Variants in ART3 observed in about 807,000 individuals in gnomAD.
ART3 encodes the protein ADP-ribosyltransferase 3 (inactive).
ART3 carries 49 observed loss-of-function variants against 48.5 expected under a neutral mutation model. That is an observed-to-expected ratio of 1.01 (90% CI 0.80 to 1.28). The LOEUF (loss-of-function observed/expected upper bound fraction) is 1.28, where lower values mean the gene tolerates loss of function less well. Ranked by LOEUF, ART3 falls within the 50% of genes most tolerant of loss-of-function variation. ART3 has a pLI of 0.00. For missense variants in ART3, 438 were observed against 454.3 expected (o/e 0.96, Z 0.33); for synonymous variants, 145 against 157.2 (o/e 0.92, Z 0.58).
chr4:76,111,844 T>TA (rs1161292522), intron 11 of ART3: 1 of 152,280 alleles, frequency 6.6e-6, no homozygotes, highest in Non-Finnish European at 1.5e-5. Flanking sequence ...CCAGCCAAAA[T>TA]ACAGTATATA....
intron 1 of ART3, among the ~76,000 whole-genome samples, chr4:76,063,262 T>A (rs1719405835): frequency 6.6e-6 from 1 of 152,166 alleles, no homozygotes; most frequent in African/African-American, 2.4e-5. Flanking sequence ...TAGTAGGTGC[T>A]CAGTAAACAT....
intron 1 of ART3, among the ~76,000 whole-genome samples, chr4:76,026,210 G>A (rs912761943): frequency 4.6e-5 from 7 of 151,796 alleles, no homozygotes; most frequent in African/African-American, 1.7e-4. Flanking sequence ...TAGCTGGCTT[G>A]TACCTTCTCT....
intron 3 of ART3, among the ~76,000 whole-genome samples, chr4:76,092,635 G>A (rs892894827): frequency 6.6e-6 from 1 of 151,614 alleles, no homozygotes; most frequent in Admixed American, 6.6e-5. Context: ...CATGTATCTT[G>A]TGCTTGGAGT....
Position 76,082,165 on chromosome 4 carries a change from T to C in ART3, c.411T>C (p.Ala137=). Residue 137 remains alanine, a synonymous_variant, in exon 3 of 12, where the codon GCT becomes GCC. Transcript: ENST00000355810. ...EDYIYGFQFK[A]FHFYLTRALQ... is the part of the protein sequence containing the mutation. ...ATATCTATGGCTTCCAGTTCAAAGC[T>C]TTCCACTTTTACCTCACAAGAGCCC... is the stretch of plus-strand genomic sequence containing the variant. The C allele has an allele frequency of 6.2e-7, 1 of 1,614,230 alleles. No homozygotes were observed. The highest frequency in any genetic ancestry group is 8.5e-7 in the Non-Finnish European group (1 of 1,180,036).
intron 1 of ART3, chr4:76,021,636 G>A: frequency 2.7e-6 from 1 of 370,312 alleles, no homozygotes; most frequent in Non-Finnish European, 4.9e-6. Flanking sequence ...GAAAGGTGAG[G>A]GAAATATTTG....
At chr4:76,011,307 T>C (rs959646033) in exon 1 of ART3, 1 of 152,516 alleles carries the variant, frequency 6.6e-6, no homozygotes, top group Non-Finnish European at 1.5e-5. Context: ...AGAGAAGCAC[T>C]TTGGGGGCAA....
intron 1 of ART3, among the ~76,000 whole-genome samples, chr4:76,033,013 A>G (rs928675066): frequency 1.3e-5 from 2 of 151,988 alleles, no homozygotes; most frequent in African/African-American, 4.8e-5. Flanking sequence ...TAATAATGCA[A>G]TATAGATATA....
chr4:76,082,441 G>C lies in ART3; in HGVS notation c.687G>C (p.Glu229Asp), dbSNP rs143225927. 3.1e-6 allele frequency: 5 copies of C among 1,613,500 alleles called. No homozygotes were observed. Among genetic ancestry groups the C allele is most frequent in the African/African-American group, 1.3e-5 (1 of 74,906 alleles). The change falls in exon 3 of 12, where the codon GAG becomes GAC. Residue 229 changes from glutamate to aspartate, a missense_variant. Physicochemically the swap from Glu to Asp is conservative, Grantham distance 45 (BLOSUM62 2). Coordinates refer to ENST00000355810, the MANE Select transcript of ART3 (RefSeq NM_001130016.3). ...SERITLIPLNEVFQVSQEGAG... is the reference protein window; with the variant it reads ...SERITLIPLNDVFQVSQEGAG... ...GAATTACTTTAATACCTCTGAATGA[G>C]GTTTTTCAAGTGTCACAGGAGGGGG...
intron 1 of ART3, among the ~76,000 whole-genome samples, chr4:76,029,201 G>T (rs1264882916): frequency 6.6e-6 from 1 of 152,172 alleles, no homozygotes; most frequent in Non-Finnish European, 1.5e-5. Flanking sequence ...AGTAGTGCCT[G>T]TTATTCCATA....
chr4:76,046,417 C>A (rs4524415), intron 1 of ART3, among the ~76,000 whole-genome samples: 1 of 151,742 alleles, frequency 6.6e-6, no homozygotes, highest in Non-Finnish European at 1.5e-5. Context: ...ACTGACTGTT[C>A]GGTTTTTGTA....
intron 1 of ART3, among the ~76,000 whole-genome samples, chr4:76,031,623 CAA>C (rs1733876520): frequency 6.6e-6 from 1 of 152,164 alleles, no homozygotes; most frequent in Non-Finnish European, 1.5e-5. Context: ...TTCATCCTTC[CAA>C]CCAAACGAAT....
intron 1 of ART3, among the ~76,000 whole-genome samples, chr4:76,016,751 C>G (rs988339765): frequency 1.3e-5 from 2 of 152,184 alleles, no homozygotes; most frequent in African/African-American, 4.8e-5. Flanking sequence ...CCCTGGTGCT[C>G]TATTCTGTTG....
chr4:76,049,204 T>G (rs1284017907), intron 1 of ART3, among the ~76,000 whole-genome samples: 2 of 151,976 alleles, frequency 1.3e-5, no homozygotes, highest in African/African-American at 4.8e-5. Flanking sequence ...CTATAAATCA[T>G]TCTTATAGGA....
At chr4:76,038,207 AAGAG>A (rs1360385657) in intron 1 of ART3, among the ~76,000 whole-genome samples, 2 of 152,084 alleles carry the variant, frequency 1.3e-5, no homozygotes, top group African/African-American at 4.8e-5. Context: ...AAGATATTTG[AAGAG>A]AGAGAGACTA....
chr4:76,105,227 G>A (rs529926941), intron 10 of ART3, among the ~76,000 whole-genome samples: 34 of 152,274 alleles, frequency 2.2e-4, no homozygotes, highest in African/African-American at 7.9e-4. Flanking sequence ...TTGGGGTCTT[G>A]CTCATCTGGC....
intron 3 of ART3, among the ~76,000 whole-genome samples, chr4:76,092,079 G>C (rs936258299): frequency 3.3e-5 from 5 of 152,102 alleles, no homozygotes; most frequent in African/African-American, 9.7e-5. Context: ...TTGCAAAGTT[G>C]TTTTGGTGAT....
rs570000710 is a variant in ART3, at chr4:76,046,043, G to A, written c.-9-29838G>A. 3.9e-5 allele frequency among the ~76,000 whole-genome samples: 6 copies of A among 152,080 alleles called. 1 individual carries two copies. Among genetic ancestry groups the A allele is most frequent in the Admixed American group, 2.0e-4 (3 of 15,250 alleles). On this transcript the variant is annotated intron_variant, in intron 1 of 9. Coordinates refer to the ART3 transcript ENST00000341029. ...GAGATCCAGAGTAGCCTGCTGGCAC[G>A]AGGCTTCCAAACTGGTAGCCAAAAG...
At chr4:76,052,339 C>T (rs1736190193) in intron 1 of ART3, among the ~76,000 whole-genome samples, 1 of 152,120 alleles carries the variant, frequency 6.6e-6, no homozygotes, top group Admixed American at 6.5e-5. Flanking sequence ...TGTGCTACCC[C>T]AAACATTGCA....
chr4:76,083,318 A>G (rs772473453), intron 3 of ART3, among the ~76,000 whole-genome samples: 3 of 152,232 alleles, frequency 2.0e-5, no homozygotes, highest in Non-Finnish European at 2.9e-5. Flanking sequence ...TCATGTTTCC[A>G]AGTAAATAAC....
Sources: allele counts gnomAD v4.1 joint callset (sites outside exome capture counted in the v4.1 genomes callset), GRCh38; gene constraint gnomAD v4.1.1; transcripts MANE v1.5; gene names NCBI Gene and HGNC (gene_info 2026-07-23, HGNC 2026-07-21).